Variants in HHIPL2 observed in about 807,000 individuals in gnomAD.
HHIPL2 encodes the protein HHIP like 2.
Under a neutral mutation model 61.0 loss-of-function variants are expected in HHIPL2, and 61 were observed. The ratio of observed to expected loss-of-function variants is 1.00; its 90% confidence interval spans 0.81 to 1.24. HHIPL2 has a LOEUF of 1.24. Among genes scored for constraint, HHIPL2 ranks in the 50% most tolerant of loss-of-function variants. The pLI is 0.00. For missense variants in HHIPL2, 885 were observed against 910.2 expected (o/e 0.97, Z 0.36); for synonymous variants, 343 against 357.4 (o/e 0.96, Z 0.45).
chr1:222,527,871 C>T (rs1213096665), intron 6 of HHIPL2, among the ~76,000 whole-genome samples: 1 of 152,146 alleles, frequency 6.6e-6, no homozygotes, highest in South Asian at 2.1e-4. Context: ...GTAAGAGGTG[C>T]CTTTCACCTT....
At chr1:222,532,473 G>A (rs1659213331) in intron 5 of HHIPL2, among the ~76,000 whole-genome samples, 1 of 152,072 alleles carries the variant, frequency 6.6e-6, no homozygotes, top group Non-Finnish European at 1.5e-5. Flanking sequence ...AATTAGCCAG[G>A]CAGGGTGGTG....
At chr1:222,538,610 A>G in intron 5 of HHIPL2, 38 bp downstream of exon 5, 1 of 1,578,134 alleles carries the variant, frequency 6.3e-7, no homozygotes, top group Non-Finnish European at 8.7e-7. Context: ...AAAATATTAA[A>G]ATAAAAAGAG....
At chr1:222,547,673 C>A in intron 1 of HHIPL2, 51 bp downstream of exon 1, 1 of 1,512,518 alleles carries the variant, frequency 6.6e-7, no homozygotes, top group Non-Finnish European at 9.1e-7. Flanking sequence ...AGGACCCACA[C>A]CATGCAGCCC....
chr1:222,523,766 G>A lies in HHIPL2; in HGVS notation c.1806-72C>T, dbSNP rs1000095086. On this transcript the variant is annotated intron_variant, in intron 7 of 8. Coordinates refer to ENST00000343410, the MANE Select transcript of HHIPL2 (RefSeq NM_024746.4). ...CAACCGGAAAATCAAGGTTACCAGA[G>A]GGCGTATATTTGCAAGAATTGGGGT... The A allele has an allele frequency of 5.5e-6, 8 of 1,444,086 alleles. No homozygotes were observed. The Admixed American group carries it at 8.4e-5, about 15-fold the overall frequency. 89.5% of individuals were successfully genotyped at this position (1,444,086 alleles called of 1,614,324 possible).
At chr1:222,527,565 C>T (rs912920752) in intron 6 of HHIPL2, among the ~76,000 whole-genome samples, 1 of 152,134 alleles carries the variant, frequency 6.6e-6, no homozygotes, top group African/African-American at 2.4e-5. Flanking sequence ...CTCTCCATTT[C>T]TCCTCTCGGT....
chr1:222,539,047 T>C, intron 4 of HHIPL2: 1 of 419,766 alleles, frequency 2.4e-6, no homozygotes, highest in East Asian at 4.3e-5. Context: ...GAAATCCACA[T>C]GGCTAAGTTT....
intron 7 of HHIPL2, among the ~76,000 whole-genome samples, chr1:222,526,623 T>C (rs1659071723): frequency 6.7e-6 from 1 of 149,128 alleles, no homozygotes; most frequent in South Asian, 2.1e-4. Flanking sequence ...GAATATCGCT[T>C]GAACCTGGGA....
intron 6 of HHIPL2, among the ~76,000 whole-genome samples, chr1:222,530,351 T>G (rs192626102): frequency 6.6e-6 from 1 of 152,252 alleles, no homozygotes; most frequent in East Asian, 1.9e-4. Flanking sequence ...CACAGGGGTG[T>G]CCGGCAGAGG....
chr1:222,532,168 C>T (rs1209883495), intron 5 of HHIPL2, 57 bp from the exon 6 acceptor site: 1 of 1,485,444 alleles, frequency 6.7e-7, no homozygotes, highest in African/African-American at 1.4e-5. Context: ...CTGCAGAATA[C>T]TTTTTCTCCT....
At chr1:222,537,370 C>T (rs1167322922) in intron 5 of HHIPL2, among the ~76,000 whole-genome samples, 1 of 150,860 alleles carries the variant, frequency 6.6e-6, no homozygotes, top group Non-Finnish European at 1.5e-5. Flanking sequence ...AAAATGAATG[C>T]TTTCCCCTAT....
intron 7 of HHIPL2, 135 bp downstream of exon 7, chr1:222,526,834 G>A: frequency 1.5e-6 from 1 of 657,374 alleles, no homozygotes; most frequent in Non-Finnish European, 2.7e-6. Flanking sequence ...ATTGTCCTAT[G>A]CCATTATTTG....
rs748241179 is a variant in HHIPL2, at chr1:222,544,097, A to G, written c.414T>C (p.Ser138=). The G allele has an allele frequency of 6.2e-7, 1 of 1,614,182 alleles. No individual in the cohort carries two copies. Among genetic ancestry groups the G allele is most frequent in the Non-Finnish European group, 8.5e-7 (1 of 1,180,042 alleles). ...NLPGLCSDYC[S]AFHSNCHSAI... is the part of the protein sequence containing the mutation. ...CTGAGTGACAGTTAGAATGGAAGGC[A>G]GAGCAGTAATCAGAGCAGAGGCCCG... The change falls in exon 2 of 9, where the codon TCT becomes TCC. Residue 138 remains serine (S), a synonymous_variant. Transcript: ENST00000343410.
intron 1 of HHIPL2, 56 bp from the exon 2 acceptor site, chr1:222,544,245 T>A: frequency 6.5e-7 from 1 of 1,535,836 alleles, no homozygotes; most frequent in Non-Finnish European, 8.8e-7. Context: ...CCGGCACTTG[T>A]CTCAAGTTTT....
chr1:222,529,750 T>C (rs1044281292), intron 6 of HHIPL2, among the ~76,000 whole-genome samples: 1 of 152,102 alleles, frequency 6.6e-6, no homozygotes, highest in Admixed American at 6.6e-5. Context: ...TCCCATCAAT[T>C]AAACCTCAGC....
Position 222,547,888 on chromosome 1 carries a change from G to A in HHIPL2, c.157C>T (p.Gln53Ter), listed in dbSNP as rs1260212802. 2 of 1,614,188 alleles carry A rather than the reference G, an allele frequency of 1.2e-6. No homozygotes were observed. Among genetic ancestry groups the A allele is most frequent in the Non-Finnish European group, 1.7e-6 (2 of 1,180,034 alleles). Reference protein sequence around the residue: ...PQCLDYGPPFQPPLHLEFCSD... With the variant: ...PQCLDYGPPF ...CAAAACTCAAGGTGCAGAGGGGGCT[G>A]GAAAGGGGGCCCGTAATCCAGGCAC... The change falls in exon 1 of 9, where the codon CAG (glutamine) becomes TAG (stop). Residue 53 changes from glutamine (Q) to a stop codon, truncating the protein, a stop_gained. Transcript: ENST00000343410. LOFTEE classifies it high-confidence loss of function.
Position 222,543,708 on chromosome 1 carries a change from A to C in HHIPL2, c.803T>G (p.Ile268Ser). The C allele has an allele frequency of 6.2e-7, 1 of 1,614,120 alleles. No individual in the cohort carries two copies. The change falls in exon 2 of 9, where the codon ATC becomes AGC. Residue 268 changes from isoleucine (I) to serine (S), a missense_variant. Transcript: ENST00000343410. ...LKNIVLTTPW[I>S]GDERGFLGLA... Reference sequence around the variant, plus strand: ...CCCCAAGAAGCCTCTCTCATCCCCGATCCATGGGGTGGTCAACACGATGTT... The same window carrying C: ...CCCCAAGAAGCCTCTCTCATCCCCGCTCCATGGGGTGGTCAACACGATGTT...
chr1:222,526,827 G>T, intron 7 of HHIPL2, 142 bp downstream of exon 7: 4 of 573,392 alleles, frequency 7.0e-6, no homozygotes, highest in Non-Finnish European at 9.5e-6. Flanking sequence ...TAGATGCATT[G>T]TCCTATGCCA....
intron 6 of HHIPL2, among the ~76,000 whole-genome samples, chr1:222,530,758 T>C (rs1659170178): frequency 8.5e-6 from 1 of 118,080 alleles, no homozygotes; most frequent in South Asian, 2.4e-4. Flanking sequence ...CTTGTGTATT[T>C]TTTGTGTTTT....
rs779066541 is a variant in HHIPL2 at position 222,522,570 on chromosome 1, C to T, written c.*31G>A. On this transcript the variant is annotated 3_prime_UTR_variant, in exon 9 of 9. Transcript: ENST00000343410. ...TTGATGAGGTGGCTCTCCTCTCTCA[C>T]GTCACCCTGTCGGCCACCTTGACCA... 38 of 1,600,200 alleles carry T rather than the reference C, an allele frequency of 2.4e-5. No homozygotes were observed. The highest frequency in any genetic ancestry group is 5.4e-5 in the African/African-American group (4 of 74,542).
Sources: gnomAD v4.1 joint callset for allele counts (sites outside exome capture counted in the v4.1 genomes callset) on GRCh38, gnomAD v4.1.1 for gene constraint, MANE v1.5 for transcripts, NCBI Gene and HGNC (gene_info 2026-07-23, HGNC 2026-07-21) for gene names.